The following SNX4 variants were observed in gnomAD, a reference collection of about 807,000 sequenced individuals.
SNX4 encodes sorting nexin-4.
SNX4 carries 49 observed loss-of-function variants against 70.8 expected under a neutral mutation model. The observed-to-expected ratio is 0.69, with a 90% CI of 0.55 to 0.88. The LOEUF (loss-of-function observed/expected upper bound fraction) is 0.88. Ranked by LOEUF, SNX4 falls within the 40% of genes least tolerant of loss-of-function variation. SNX4 has a pLI of 0.00. For missense variants in SNX4, 528 were observed against 544.8 expected, an observed-to-expected ratio of 0.97 and a Z score of 0.31; for synonymous variants, 206 against 183.8, an observed-to-expected ratio of 1.12 and a Z score of -0.98.
chr3:125,478,244 T>TA (rs1934328463), intron 7 of SNX4, among the ~76,000 whole-genome samples: 3 of 151,768 alleles, frequency 2.0e-5, no homozygotes, highest in African/African-American at 7.3e-5. Context: ...CACGCCCAGC[T>TA]AGTTTTTGTA....
intron 5 of SNX4, among the ~76,000 whole-genome samples, chr3:125,495,744 C>A (rs1329664522): frequency 1.3e-5 from 2 of 152,082 alleles, no homozygotes; most frequent in Non-Finnish European, 2.9e-5. Flanking sequence ...CTATTAACTG[C>A]AGTAAAGACT....
In SNX4 at chr3:125,520,183, C is replaced by A. The variant is rs757687061; in HGVS notation, c.-11G>T. On this transcript the variant is annotated 5_prime_UTR_variant, in exon 1 of 14. Coordinates refer to ENST00000251775, the MANE Select transcript of SNX4 (RefSeq NM_003794.4). ...AGGTGCCTGCTCCATGGCTGCAGTTCGGCGCGGCGAACCCAGTGCGCCTGC... is the reference window on the plus strand; with the variant it reads ...AGGTGCCTGCTCCATGGCTGCAGTTAGGCGCGGCGAACCCAGTGCGCCTGC... 2.5e-5 allele frequency: 29 copies of A among 1,182,822 alleles called. No homozygotes were observed. The highest frequency in any genetic ancestry group is 3.0e-5 in the Non-Finnish European group (28 of 941,100). The allele number at this position is 1,182,822 out of a possible 1,614,324, so 73.3% of individuals were successfully genotyped here.
intron 1 of SNX4, chr3:125,516,844 AAAG>A (rs1935293864): frequency 6.6e-6 from 1 of 152,226 alleles, no homozygotes; most frequent in South Asian, 2.1e-4. Context: ...CTGTCTCAAA[AAAG>A]AAAAAAAATG....
chr3:125,467,276 A>G (rs992778444), intron 9 of SNX4, among the ~76,000 whole-genome samples: 5 of 151,254 alleles, frequency 3.3e-5, no homozygotes, highest in African/African-American at 1.2e-4. Context: ...AATCCCAGCT[A>G]CTCGGGAGGC....
chr3:125,453,558 A>G (rs1933631818), intron 12 of SNX4, among the ~76,000 whole-genome samples: 1 of 151,604 alleles, frequency 6.6e-6, no homozygotes, highest in Admixed American at 6.6e-5. Context: ...TACGTTGCCC[A>G]GGCTGGTCTC....
chr3:125,498,003 A>G lies in SNX4; in HGVS notation c.400-20T>C, dbSNP rs1934837532. Reference sequence around the variant, plus strand: ...TTCTGCCTAGGTAAACAAAATAATCATTAAGAATAGTCTCAATGCTGAATA... The same window carrying G: ...TTCTGCCTAGGTAAACAAAATAATCGTTAAGAATAGTCTCAATGCTGAATA... On this transcript the variant is annotated intron_variant, in intron 3 of 13. Transcript: ENST00000251775. 6.2e-7 allele frequency: 1 copy of G among 1,613,964 alleles called. No individual in the cohort carries two copies. Among genetic ancestry groups the G allele is most frequent in the South Asian group, 1.1e-5 (1 of 91,028 alleles).
At chr3:125,457,498 A>C in intron 10 of SNX4, 133 bp from the exon 11 acceptor site, 1 of 665,906 alleles carries the variant, frequency 1.5e-6, no homozygotes, top group Non-Finnish European at 2.7e-6. Flanking sequence ...TCAAGTTTAA[A>C]ATGTAGTAGC....
intron 8 of SNX4, among the ~76,000 whole-genome samples, chr3:125,472,452 G>A (rs542471135): frequency 4.3e-4 from 65 of 151,648 alleles, no homozygotes; most frequent in Non-Finnish European, 8.7e-4. Flanking sequence ...CATGGATATT[G>A]GAAGCCATAT....
chr3:125,481,889 T>G (rs1164066993), intron 6 of SNX4, among the ~76,000 whole-genome samples: 3 of 152,016 alleles, frequency 2.0e-5, no homozygotes, highest in Non-Finnish European at 4.4e-5. Context: ...TTATTTTTCT[T>G]TCCTTCTTTT....
At chr3:125,501,281 T>C (rs1934926953) in intron 2 of SNX4, among the ~76,000 whole-genome samples, 1 of 150,432 alleles carries the variant, frequency 6.6e-6, no homozygotes, top group African/African-American at 2.5e-5. Flanking sequence ...GATAAACCTG[T>C]CTTAAAATGG....
chr3:125,465,254 T>G (rs77596435), intron 9 of SNX4, among the ~76,000 whole-genome samples: 2 of 150,926 alleles, frequency 1.3e-5, no homozygotes, highest in East Asian at 1.9e-4. Flanking sequence ...TTTTTTTTTT[T>G]GGGAGGTGGG....
chr3:125,500,438 A>G (rs1384700167), intron 2 of SNX4, among the ~76,000 whole-genome samples: 1 of 152,154 alleles, frequency 6.6e-6, no homozygotes, highest in East Asian at 1.9e-4. Flanking sequence ...GTTTTATTCA[A>G]TCTTAGCCCA....
At position 125,495,381 on chromosome 3, in the gene SNX4, T is replaced by A. The variant is rs554349412; in HGVS notation, c.597+1960A>T. 1.7e-4 allele frequency among the ~76,000 whole-genome samples: 25 copies of A among 150,800 alleles called. 1 individual carries two copies. Among genetic ancestry groups the A allele is most frequent in the Non-Finnish European group, 2.2e-4 (15 of 67,654 alleles). Reference sequence around the variant, plus strand: ...ATGCAAAAAGGTCCCATTTCCCTGATGGGAGGAAGGACTTAAAACAAGAAA... The same window carrying A: ...ATGCAAAAAGGTCCCATTTCCCTGAAGGGAGGAAGGACTTAAAACAAGAAA... On this transcript the variant is annotated intron_variant, in intron 5 of 13. Coordinates refer to ENST00000251775, the MANE Select transcript of SNX4 (RefSeq NM_003794.4).
At chr3:125,453,532 A>G (rs1157639848) in intron 12 of SNX4, among the ~76,000 whole-genome samples, 1 of 149,514 alleles carries the variant, frequency 6.7e-6, no homozygotes, top group Non-Finnish European at 1.5e-5. Context: ...TTATTTCTGT[A>G]GAGACAGGGT....
chr3:125,474,849 A>C (rs995773691), intron 8 of SNX4, among the ~76,000 whole-genome samples: 1 of 147,200 alleles, frequency 6.8e-6, no homozygotes, highest in Non-Finnish European at 1.5e-5. Flanking sequence ...ATTCCCCCCC[A>C]CATGTCTCCT....
Position 125,457,327 on chromosome 3 carries a change from A to T in SNX4, c.983T>A (p.Leu328Ter). 1 of 1,614,032 alleles carries T rather than the reference A, an allele frequency of 6.2e-7. No individual in the cohort carries two copies. The highest frequency in any genetic ancestry group is 2.2e-5 in the East Asian group (1 of 44,878). ...TGCTAAGTCCTGAGCAGCCATCTCC[A>T]AGTCATACTGCATAAGTTCATGTTT... is the stretch of plus-strand genomic sequence containing the variant. ...CRKHELMQYD[L>*]EMAAQDLASK... Residue 328 changes from leucine (L) to a stop codon, truncating the protein, a stop_gained, in exon 11 of 14, where the codon TTG becomes TAG. Coordinates refer to ENST00000251775, the MANE Select transcript of SNX4 (RefSeq NM_003794.4). LOFTEE classifies it high-confidence loss of function.
At chr3:125,478,555 G>A (rs549810830) in intron 7 of SNX4, among the ~76,000 whole-genome samples, 51 of 151,768 alleles carry the variant, frequency 3.4e-4, no homozygotes, top group South Asian at 1.2e-3. Context: ...AGGGAGATAC[G>A]GTTTGCAGTA....
chr3:125,454,016 A>G lies in SNX4; in HGVS notation c.1045-61T>C, dbSNP rs920298191. The G allele has an allele frequency of 3.6e-6, 5 of 1,389,646 alleles. No homozygotes were observed. In the African/African-American group the frequency reaches 5.8e-5, roughly 16 times the overall value. 86.1% of individuals were successfully genotyped at this position (1,389,646 alleles called of 1,614,324 possible). ...AAATGCGGCATACACATACACATACAATGGAACATTATTCAGCCTTTAAAA... is the reference window on the plus strand; with the variant it reads ...AAATGCGGCATACACATACACATACGATGGAACATTATTCAGCCTTTAAAA... On this transcript the variant is annotated intron_variant, in intron 11 of 13. Coordinates refer to ENST00000251775, the MANE Select transcript of SNX4 (RefSeq NM_003794.4).
intron 10 of SNX4, among the ~76,000 whole-genome samples, chr3:125,458,747 G>A (rs527828577): frequency 8.8e-4 from 132 of 150,516 alleles, no homozygotes; most frequent in Non-Finnish European, 1.5e-3. Flanking sequence ...CCCGGGGGGC[G>A]GAGCCTGCAG....
Sources: allele counts gnomAD v4.1 joint callset (sites outside exome capture counted in the v4.1 genomes callset), GRCh38; gene constraint gnomAD v4.1.1; transcripts MANE v1.5; gene names NCBI Gene and HGNC (gene_info 2026-07-23, HGNC 2026-07-21).